The following PTPRA variants were observed in gnomAD, a reference collection of about 807,000 sequenced individuals.
PTPRA encodes receptor-type tyrosine-protein phosphatase alpha.
In PTPRA, 25 loss-of-function variants were observed where a neutral mutation model predicts 104.8. The ratio of observed to expected loss-of-function variants is 0.24; its 90% confidence interval spans 0.17 to 0.33. The LOEUF is 0.33. PTPRA is among the 10% of genes least tolerant of loss of function. The probability of loss-of-function intolerance (pLI) is 1.00; values close to 1 mark genes in which losing one functional copy is unlikely to be tolerated. For missense variants in PTPRA, 765 were observed against 1,015.3 expected (o/e 0.75, Z 3.35); for synonymous variants, 323 against 368.9 (o/e 0.88, Z 1.43).
At chr20:3,024,445 A>C in intron 16 of PTPRA, 27 bp from the exon 17 acceptor site, 1 of 1,605,860 alleles carries the variant, frequency 6.2e-7, no homozygotes, top group Non-Finnish European at 8.5e-7. Context: ...TATGTAACCA[A>C]GAACTTCTGT....
chr20:2,885,740 G>GA (rs2090343661), intron 1 of PTPRA, among the ~76,000 whole-genome samples: 2 of 151,328 alleles, frequency 1.3e-5, no homozygotes, highest in African/African-American at 4.8e-5. Context: ...TGAATGGCAA[G>GA]AAAAAAAAAG....
At chr20:2,864,271 C>T in the PTPRA span, 96 of 1,614,030 alleles carry the variant, frequency 5.9e-5, no homozygotes, top group East Asian at 8.9e-5. The surrounding 1 kb of genome is among the most constrained non-coding windows in gnomAD (Gnocchi z 5.2). Flanking sequence ...CCATCGAGAG[C>T]GGGGACACTG....
chr20:2,896,015 T>C (rs1388020183), intron 1 of PTPRA, among the ~76,000 whole-genome samples: 2 of 152,194 alleles, frequency 1.3e-5, no homozygotes, highest in African/African-American at 4.8e-5. Flanking sequence ...GTCTCTTATT[T>C]TCAAATAGGT....
chr20:2,926,448 A>C (rs2060297594), intron 2 of PTPRA, among the ~76,000 whole-genome samples: 1 of 151,992 alleles, frequency 6.6e-6, no homozygotes, highest in Non-Finnish European at 1.5e-5. Context: ...CTTGTGTCCA[A>C]ATTTCCTTTT....
intron 1 of PTPRA, among the ~76,000 whole-genome samples, chr20:2,877,561 G>T (rs2089802852): frequency 1.3e-5 from 2 of 152,144 alleles, no homozygotes; most frequent in African/African-American, 4.8e-5. Context: ...GCCCGGTGAA[G>T]AAATGGTTTT....
At position 2,897,488 on chromosome 20, in the gene PTPRA, C is replaced by T. The variant is rs1185286815; in HGVS notation, c.-129+23728C>T. 3.3e-5 allele frequency among the ~76,000 whole-genome samples: 5 copies of T among 149,970 alleles called. No homozygotes were observed. The East Asian group carries it at 6.0e-4, about 18-fold the overall frequency. ...CTGCAACCTCTGCCTCCCAGGTTCA[C>T]GTGATTCTGCCACCTCACCCTCCCA... On this transcript the variant is annotated intron_variant, in intron 1 of 23. Transcript: ENST00000399903.
chr20:2,874,390 A>AT (rs755187766), intron 1 of PTPRA, among the ~76,000 whole-genome samples: 25 of 149,116 alleles, frequency 1.7e-4, no homozygotes, highest in Non-Finnish European at 3.4e-4. Flanking sequence ...TCTCCTGAAG[A>AT]TTAAAAAAAA....
chr20:2,938,187 G>A (rs1372163671), intron 2 of PTPRA, among the ~76,000 whole-genome samples: 11 of 151,904 alleles, frequency 7.2e-5, no homozygotes, highest in Admixed American at 7.2e-4. Flanking sequence ...TTTTGTTTTT[G>A]TTTTTTCCTT....
intron 2 of PTPRA, among the ~76,000 whole-genome samples, chr20:2,924,644 G>C (rs2060226898): frequency 6.6e-6 from 1 of 152,118 alleles, no homozygotes; most frequent in Non-Finnish European, 1.5e-5. Flanking sequence ...GTTGTGACTG[G>C]AAAGAGGTAT....
chr20:3,021,904 T>C (rs1289305049), intron 14 of PTPRA, 150 bp from the exon 15 acceptor site: 2 of 995,278 alleles, frequency 2.0e-6, no homozygotes, highest in African/African-American at 1.6e-5. Context: ...CACTGACTAG[T>C]TGTGAGACCT....
At chr20:2,924,482 T>C (rs1378363260) in intron 2 of PTPRA, among the ~76,000 whole-genome samples, 1 of 152,040 alleles carries the variant, frequency 6.6e-6, no homozygotes, top group Non-Finnish European at 1.5e-5. Context: ...AAACTACCAG[T>C]AGACATGACA....
In PTPRA at chr20:3,035,575, G is replaced by T. The variant is rs772096679; in HGVS notation, c.1921-10G>T. 1.9e-6 allele frequency: 3 copies of T among 1,608,910 alleles called. No homozygotes were observed. The highest frequency in any genetic ancestry group is 1.1e-5 in the South Asian group (1 of 90,946). On this transcript the variant is annotated splice_polypyrimidine_tract_variant and intron_variant, in intron 20 of 23. Coordinates refer to ENST00000399903, the MANE Select transcript of PTPRA (RefSeq NM_001385305.1). The surrounding 1 kb of genome is among the most constrained non-coding windows in gnomAD (Gnocchi z 5.8). ...TCTGAGCTCCTCACCTCTCCAACCT[G>T]TCTCTCCAGGAGAAGTGTGCCCAGT...
chr20:2,970,259 ATTATT>A (rs2062130886), intron 5 of PTPRA, among the ~76,000 whole-genome samples: 6 of 152,200 alleles, frequency 3.9e-5, no homozygotes, highest in Admixed American at 3.9e-4. Context: ...AGCAGGATGA[ATTATT>A]TTAAGTCTGC....
intron 2 of PTPRA, among the ~76,000 whole-genome samples, chr20:2,924,828 G>A (rs1266137210): frequency 3.3e-5 from 5 of 151,896 alleles, no homozygotes; most frequent in South Asian, 2.1e-4. Flanking sequence ...TTACAGACAC[G>A]CGCCACCACG....
chr20:3,021,977 A>G lies in PTPRA; in HGVS notation c.1162-77A>G. On this transcript the variant is annotated intron_variant, in intron 14 of 23. Transcript: ENST00000399903. ...CTTTTCCATTGTCACTGACAACCAC[A>G]GCTGTCACCTTCCCTCCCCTGGTAC... 3 of 1,540,268 alleles carry G rather than the reference A, an allele frequency of 1.9e-6. No individual in the cohort carries two copies. In the East Asian group the frequency reaches 6.8e-5, roughly 35 times the overall value.
intron 3 of PTPRA, among the ~76,000 whole-genome samples, chr20:2,955,190 A>G (rs1272502293): frequency 6.6e-6 from 1 of 152,196 alleles, no homozygotes; most frequent in African/African-American, 2.4e-5. Flanking sequence ...TCTGTACTAT[A>G]CTTTGGTTTC....
chr20:2,915,586 C>T (rs547174792), intron 1 of PTPRA, among the ~76,000 whole-genome samples: 46 of 152,206 alleles, frequency 3.0e-4, no homozygotes, highest in African/African-American at 7.9e-4. Flanking sequence ...AAAATTTTGA[C>T]GAATTCCAAT....
At chr20:2,960,328 C>T (rs1303557684) in intron 3 of PTPRA, among the ~76,000 whole-genome samples, 2 of 150,276 alleles carry the variant, frequency 1.3e-5, no homozygotes, top group Non-Finnish European at 3.0e-5. Context: ...TGGGTCACTG[C>T]AAGCTCCACC....
intron 11 of PTPRA, among the ~76,000 whole-genome samples, chr20:3,007,833 T>G (rs2148318941): frequency 6.6e-6 from 1 of 151,518 alleles, no homozygotes; most frequent in African/African-American, 2.4e-5. Flanking sequence ...TGTGTCTGTG[T>G]GTGTGTATAT....
Sources: gnomAD v4.1 joint callset for allele counts (sites outside exome capture counted in the v4.1 genomes callset) on GRCh38, gnomAD v4.1.1 for gene constraint, Gnocchi (gnomAD v3.1) non-coding constraint, MANE v1.5 for transcripts, NCBI Gene and HGNC (gene_info 2026-07-23, HGNC 2026-07-21) for gene names.